ATAD2B: variants seen among roughly 807,000 people sequenced by gnomAD.
ATAD2B encodes ATPase family AAA domain-containing protein 2B.
ATAD2B carries 40 observed loss-of-function variants against 167.6 expected under a neutral mutation model. That is an observed-to-expected ratio of 0.24 (90% CI 0.19 to 0.31). The LOEUF is 0.31. Ranked by LOEUF, ATAD2B falls within the 10% of genes least tolerant of loss-of-function variation. The pLI is 1.00. For synonymous variants in ATAD2B, 579 were observed against 596.5 expected (o/e 0.97, Z 0.43); for missense variants, 1,242 against 1,757.2 (o/e 0.71, Z 5.24).
chr2:23,820,902 T>C (rs1687345746), intron 16 of ATAD2B, among the ~76,000 whole-genome samples: 1 of 152,090 alleles, frequency 6.6e-6, no homozygotes, highest in Non-Finnish European at 1.5e-5. Flanking sequence ...TGAGCCAAGA[T>C]TGCGCCACTG....
intron 10 of ATAD2B, among the ~76,000 whole-genome samples, 158 bp downstream of exon 10, chr2:23,867,677 A>C (rs1199785674): frequency 6.6e-6 from 1 of 152,168 alleles, no homozygotes; most frequent in Admixed American, 6.5e-5. Flanking sequence ...CTGACTAAGC[A>C]CCACTTGTGG....
chr2:23,823,253 AG>A lies in ATAD2B; in HGVS notation c.2131+4del. ...TTAACAATATAAAAAAGTAGTTTAG[AG>A]TACCTTCTTTTTTGTCACTCTGGCT... On this transcript the variant is annotated splice_donor_region_variant and intron_variant, in intron 16 of 27. Coordinates refer to ENST00000238789, the MANE Select transcript of ATAD2B (RefSeq NM_017552.4). 1 of 1,599,648 alleles carries A rather than the reference AG, an allele frequency of 6.3e-7. No individual in the cohort carries two copies. The highest frequency in any genetic ancestry group is 8.5e-7 in the Non-Finnish European group (1 of 1,170,432).
chr2:23,684,527 C>A, the ATAD2B span: 1 of 1,547,408 alleles, frequency 6.5e-7, no homozygotes, highest in Non-Finnish European at 8.7e-7. This position sits in a 1 kb window ranked among gnomAD's most constrained non-coding sequence, Gnocchi z 4.4. Context: ...TTTCAAGGAC[C>A]TGATTCAAAG....
chr2:23,696,445 C>T, the ATAD2B span: 42 of 1,550,716 alleles, frequency 2.7e-5, no homozygotes, highest in Middle Eastern at 5.1e-4. This position sits in a 1 kb window ranked among gnomAD's most constrained non-coding sequence, Gnocchi z 5.5. Context: ...ACAATAGCCT[C>T]GTCTACGATG....
chr2:23,884,451 T>C, intron 6 of ATAD2B, among the ~76,000 whole-genome samples: 1 of 152,116 alleles, frequency 6.6e-6, no homozygotes, highest in East Asian at 1.9e-4. Flanking sequence ...AGAAGGTGCC[T>C]AAGTACAAAA....
chr2:23,734,143 G>A, the ATAD2B span, among the ~76,000 whole-genome samples: 12 of 151,858 alleles, frequency 7.9e-5, no homozygotes, highest in African/African-American at 1.9e-4. Flanking sequence ...AGAATTACCC[G>A]ATACTGGGTA....
rs35692182 is a variant in ATAD2B, at chr2:23,766,920, GA to G, written c.3134-1293del. ...AGTAGCTACTGAAAGAGTAAGGGGG[GA>G]AAAAAAAAAAAACAACTAGTGCAGG... On this transcript the variant is annotated intron_variant, in intron 22 of 27. Transcript: ENST00000238789. Among the ~76,000 whole-genome samples the G allele has an allele frequency of 4.6e-3, 667 of 144,208 alleles. 1 individual carries two copies. The highest frequency in any genetic ancestry group is 0.014 in the Middle Eastern group (4 of 276). 94.6% of individuals were successfully genotyped at this position (144,208 alleles called of 152,430 possible). A position where few individuals can be genotyped will look rare whatever the true frequency, so the allele number is the denominator to read the frequency against.
At chr2:23,699,625 T>C in the ATAD2B span, among the ~76,000 whole-genome samples, 165 of 152,310 alleles carry the variant, frequency 1.1e-3, no homozygotes, top group Non-Finnish European at 2.1e-3. Context: ...ACTTCATCCT[T>C]TTCCTCTGCT....
At chr2:23,764,831 C>T (rs925718708) in intron 23 of ATAD2B, among the ~76,000 whole-genome samples, 1 of 151,296 alleles carries the variant, frequency 6.6e-6, no homozygotes, top group African/African-American at 2.4e-5. Flanking sequence ...ATTGTTTTCT[C>T]TGTGTGCAAT....
At chr2:23,897,732 C>T (rs1431452555) in intron 1 of ATAD2B, among the ~76,000 whole-genome samples, 2 of 152,068 alleles carry the variant, frequency 1.3e-5, no homozygotes, top group Non-Finnish European at 2.9e-5. Context: ...TGAGTACTTC[C>T]TTACTTTCTG....
chr2:23,772,570 T>C (rs1678493038), intron 22 of ATAD2B, among the ~76,000 whole-genome samples: 1 of 152,220 alleles, frequency 6.6e-6, no homozygotes, highest in African/African-American at 2.4e-5. Flanking sequence ...TTGGTCTTTC[T>C]GCTTTTTATA....
At chr2:23,879,884 G>C (rs1283394409) in intron 7 of ATAD2B, among the ~76,000 whole-genome samples, 2 of 151,870 alleles carry the variant, frequency 1.3e-5, no homozygotes, top group Admixed American at 6.6e-5. Flanking sequence ...GTGAAACCCT[G>C]TCTCTACTGA....
At chr2:23,737,377 T>C in the ATAD2B span, among the ~76,000 whole-genome samples, 1 of 152,156 alleles carries the variant, frequency 6.6e-6, no homozygotes, top group Admixed American at 6.5e-5. Context: ...GGCAGCAGCA[T>C]TTGCGGTTCA....
intron 15 of ATAD2B, among the ~76,000 whole-genome samples, chr2:23,825,910 G>C (rs6545124): frequency 0.96 from 146,394 of 152,294 alleles, 70,356 homozygotes; most frequent in East Asian, 0.99. Flanking sequence ...ATTATTTATT[G>C]ATTTATTCCA....
At chr2:23,696,166 C>T in the ATAD2B span, 1 of 1,538,194 alleles carries the variant, frequency 6.5e-7, no homozygotes, top group Non-Finnish European at 8.8e-7. This position sits in a 1 kb window ranked among gnomAD's most constrained non-coding sequence, Gnocchi z 5.5. Flanking sequence ...CGGGACCAGG[C>T]ATGGGGGTCC....
intron 1 of ATAD2B, among the ~76,000 whole-genome samples, chr2:23,914,724 C>A (rs1702794159): frequency 6.6e-6 from 1 of 152,018 alleles, no homozygotes; most frequent in Admixed American, 6.6e-5. Context: ...CACCTGTAGT[C>A]CCAGCTACTC....
chr2:23,725,348 G>A, the ATAD2B span, among the ~76,000 whole-genome samples: 2 of 152,156 alleles, frequency 1.3e-5, no homozygotes, highest in Non-Finnish European at 2.9e-5. Flanking sequence ...ATAAAACCTG[G>A]ACTTCATCAA....
At chr2:23,794,254 C>T (rs1472167088) in intron 19 of ATAD2B, among the ~76,000 whole-genome samples, 1 of 152,260 alleles carries the variant, frequency 6.6e-6, no homozygotes, top group Non-Finnish European at 1.5e-5. Flanking sequence ...AAGTGATCCG[C>T]TTGCCTCAGC....
chr2:23,873,630 G>A (rs1696343682), intron 8 of ATAD2B, among the ~76,000 whole-genome samples: 1 of 152,056 alleles, frequency 6.6e-6, no homozygotes, highest in Non-Finnish European at 1.5e-5. Context: ...ATTTTTTGTT[G>A]TTGTATTGTT....
Sources: gnomAD v4.1 joint callset for allele counts (sites outside exome capture counted in the v4.1 genomes callset) on GRCh38, gnomAD v4.1.1 for gene constraint, Gnocchi (gnomAD v3.1) non-coding constraint, MANE v1.5 for transcripts, NCBI Gene and HGNC (gene_info 2026-07-23, HGNC 2026-07-21) for gene names.